BPTF: variants seen among roughly 807,000 people sequenced by gnomAD.
The protein encoded by BPTF is nucleosome-remodeling factor subunit BPTF.
BPTF carries 18 observed loss-of-function variants against 292.5 expected under a neutral mutation model. That is an observed-to-expected ratio of 0.06 (90% CI 0.04 to 0.09). The LOEUF is 0.09. BPTF is among the 10% of genes least tolerant of loss of function. The pLI is 1.00. For missense variants in BPTF, 2,726 were observed against 3,498.7 expected, an observed-to-expected ratio of 0.78 and a Z score of 5.57; for synonymous variants, 1,225 against 1,251.9, an observed-to-expected ratio of 0.98 and a Z score of 0.45.
At chr17:67,842,652 A>G (rs1225570122) in intron 1 of BPTF, among the ~76,000 whole-genome samples, 1 of 152,188 alleles carries the variant, frequency 6.6e-6, no homozygotes, top group Admixed American at 6.5e-5. Flanking sequence ...GTGGTCCACA[A>G]TGAAAATATA....
chr17:67,837,413 GTTT>G (rs57947185), intron 1 of BPTF, among the ~76,000 whole-genome samples: 1 of 143,808 alleles, frequency 7.0e-6, no homozygotes. Context: ...TATGTGTTTT[GTTT>G]TTTTTTTTTG....
At chr17:67,956,140 A>C (rs2066910626) in intron 23 of BPTF, 1 of 151,490 alleles carries the variant, frequency 6.6e-6, no homozygotes, top group Non-Finnish European at 1.5e-5. Flanking sequence ...AACACGGTGA[A>C]ACCCCGTCTC....
rs1263255403 is a variant in BPTF at position 67,926,287 on chromosome 17, G to A, written c.5751+1698G>A. Among the ~76,000 whole-genome samples the A allele has an allele frequency of 2.7e-5, 4 of 146,324 alleles. No homozygotes were observed. In the East Asian group the frequency reaches 6.0e-4, roughly 22 times the overall value. On this transcript the variant is annotated intron_variant, in intron 15 of 27. Transcript: ENST00000306378. Reference sequence around the variant, plus strand: ...GCCTCCCAAAGTGCTGAGATAGCGAGCACCACTGCATTTGGCCCTAATATA... The same window carrying A: ...GCCTCCCAAAGTGCTGAGATAGCGAACACCACTGCATTTGGCCCTAATATA...
rs2148388450 is a variant in BPTF at position 67,964,295 on chromosome 17, A to T, written c.8345A>T (p.Asp2782Val). The T allele has an allele frequency of 6.2e-7, 1 of 1,614,184 alleles. No homozygotes were observed. The highest frequency in any genetic ancestry group is 8.5e-7 in the Non-Finnish European group (1 of 1,180,032). The change falls in exon 25 of 28, where the codon GAT (aspartate) becomes GTT (valine). Residue 2782 changes from aspartate (D) to valine (V), a missense_variant. Physicochemically the swap from Asp to Val is radical, Grantham distance 152. Transcript: ENST00000306378. ...TTGCAAAGTGAGGCAGAGCTCATTGATGAGTATGTCTGTCCACAGTGCCAG... is the reference window on the plus strand; with the variant it reads ...TTGCAAAGTGAGGCAGAGCTCATTGTTGAGTATGTCTGTCCACAGTGCCAG... ...GILQSEAELI[D>V]EYVCPQCQST... is the part of the protein sequence containing the mutation.
At chr17:67,894,948 T>G (rs1347063880) in intron 7 of BPTF, among the ~76,000 whole-genome samples, 1 of 152,208 alleles carries the variant, frequency 6.6e-6, no homozygotes, top group African/African-American at 2.4e-5. Flanking sequence ...GCTTTGTAAC[T>G]TTAGTCTTTA....
Position 67,854,639 on chromosome 17 carries a change from A to G in BPTF, c.1313A>G (p.Lys438Arg), listed in dbSNP as rs753288973. 9 of 1,614,108 alleles carry G rather than the reference A, an allele frequency of 5.6e-6. No individual in the cohort carries two copies. Among genetic ancestry groups the G allele is most frequent in the Non-Finnish European group, 7.6e-6 (9 of 1,180,048 alleles). Residue 438 changes from lysine (K) to arginine (R), a missense_variant, in exon 2 of 28, where the codon AAG becomes AGG. Physicochemically the swap from Lys to Arg is conservative, Grantham distance 26. Transcript: ENST00000306378. The surrounding 1 kb of genome is among the most constrained non-coding windows in gnomAD (Gnocchi z 5.6). ...EWQCEVCVAH[K>R]VPGVTDCVAE... ...CAGTGTGAAGTCTGTGTAGCACACAAGGTGCCTGGTGTGACTGACTGTGTT... is the reference window on the plus strand; with the variant it reads ...CAGTGTGAAGTCTGTGTAGCACACAGGGTGCCTGGTGTGACTGACTGTGTT...
chr17:67,925,704 A>G (rs2063811098), intron 15 of BPTF, among the ~76,000 whole-genome samples: 1 of 152,158 alleles, frequency 6.6e-6, no homozygotes, highest in South Asian at 2.1e-4. Flanking sequence ...GTTATACATA[A>G]CTATTTAAAA....
intron 18 of BPTF, among the ~76,000 whole-genome samples, chr17:67,938,708 G>T (rs1237196194): frequency 1.3e-5 from 2 of 152,124 alleles, no homozygotes; most frequent in Non-Finnish European, 2.9e-5. Context: ...GAATACAAGA[G>T]AACTTTACAA....
chr17:67,939,452 A>C (rs2147792145), intron 18 of BPTF, among the ~76,000 whole-genome samples: 1 of 152,366 alleles, frequency 6.6e-6, no homozygotes, highest in Middle Eastern at 3.4e-3. Flanking sequence ...CAACTGTTCT[A>C]CATGGGGGAA....
chr17:67,836,228 A>G (rs1256832271), intron 1 of BPTF, among the ~76,000 whole-genome samples: 1 of 152,190 alleles, frequency 6.6e-6, no homozygotes, highest in East Asian at 1.9e-4. Flanking sequence ...TAAGAAAGTT[A>G]TACTTAGACT....
In BPTF at chr17:67,843,214, G is replaced by GTAGATATA. The variant is rs59862562; in HGVS notation, c.614-10723_614-10716dup. 4.4e-3 allele frequency among the ~76,000 whole-genome samples: 560 copies of GTAGATATA among 126,034 alleles called. 4 individuals carry two copies. Among genetic ancestry groups the GTAGATATA allele is most frequent in the African/African-American group, 0.013 (522 of 39,218 alleles). The allele number at this position is 126,034 out of a possible 152,430, so 82.7% of individuals were successfully genotyped here. On this transcript the variant is annotated intron_variant, in intron 1 of 27. Transcript: ENST00000306378. ...TACATCTACATACATGTAGATGTAT[G>GTAGATATA]TAGATATATACCTATATATCTACAT... is the stretch of plus-strand genomic sequence containing the variant.
chr17:67,863,869 C>T (rs1312451437), intron 2 of BPTF, among the ~76,000 whole-genome samples: 1 of 152,234 alleles, frequency 6.6e-6, no homozygotes, highest in Admixed American at 6.5e-5. Flanking sequence ...TAACCTTCTA[C>T]TTAGCTAGCC....
intron 3 of BPTF, among the ~76,000 whole-genome samples, chr17:67,873,458 CAA>C (rs996819236): frequency 2.5e-4 from 18 of 71,090 alleles, no homozygotes; most frequent in Non-Finnish European, 2.7e-4. Context: ...AACTCCATCT[CAA>C]AAAAAAAAAA....
At position 67,948,169 on chromosome 17, in the gene BPTF, G is replaced by A; in HGVS notation, c.7789G>A (p.Glu2597Lys). ...GGCAGCAAAAAAACGGAAGCGTGAA[G>A]AGAGTGTGGAGCAGAAACGTAGCAA... ...KQAAKKRKRE[E>K]SVEQKRSKQN... The change falls in exon 23 of 28, where the codon GAG becomes AAG. Residue 2597 changes from glutamate to lysine, a missense_variant. Physicochemically the swap from Glu to Lys is moderately conservative, Grantham distance 56. Around this residue, in one of 22 missense-constraint regions of BPTF, gnomAD observed 26 missense variants for 60.6 expected, o/e 0.43. Coordinates refer to ENST00000306378, the MANE Select transcript of BPTF (RefSeq NM_182641.4). 1.2e-6 allele frequency: 2 copies of A among 1,614,220 alleles called. No homozygotes were observed. Among genetic ancestry groups the A allele is most frequent in the Non-Finnish European group, 1.7e-6 (2 of 1,180,050 alleles).
chr17:67,856,719 T>C (rs556189642), intron 2 of BPTF, among the ~76,000 whole-genome samples: 1 of 152,256 alleles, frequency 6.6e-6, no homozygotes, highest in Admixed American at 6.5e-5. Flanking sequence ...AGCATGAAGG[T>C]CTTGCTGGTG....
At chr17:67,959,414 A>G (rs1351967601) in intron 23 of BPTF, 127 bp from the exon 24 acceptor site, 14 of 683,736 alleles carry the variant, frequency 2.0e-5, no homozygotes, top group Non-Finnish European at 3.1e-5. Context: ...GCAACTAACT[A>G]AAACTCTCAC....
intron 21 of BPTF, 68 bp from the exon 22 acceptor site, chr17:67,947,658 G>C (rs1354887387): frequency 8.4e-7 from 1 of 1,191,986 alleles, no homozygotes; most frequent in East Asian, 2.6e-5. Flanking sequence ...AATTTCTACT[G>C]TTGTTATCTG....
rs1307953523 is a variant in BPTF at position 67,854,008 on chromosome 17, G to C, written c.682G>C (p.Glu228Gln). The C allele has an allele frequency of 1.2e-6, 2 of 1,614,074 alleles. No homozygotes were observed. The highest frequency in any genetic ancestry group is 1.3e-5 in the African/African-American group (1 of 74,930). The change falls in exon 2 of 28, where the codon GAA becomes CAA. Residue 228 changes from glutamate (E) to glutamine (Q), a missense_variant. Glu to Gln is a conservative substitution (Grantham distance 29). This residue lies in a region of BPTF where 153 missense variants were observed against 178.3 expected (regional missense o/e 0.86). Coordinates refer to ENST00000306378, the MANE Select transcript of BPTF (RefSeq NM_182641.4). The surrounding 1 kb of genome is among the most constrained non-coding windows in gnomAD (Gnocchi z 5.6). The part of the protein sequence containing the change: ...ILEEKDIPPL[E>Q]FPKSSEDLMV... ...GGAAGAAAAAGACATCCCGCCCCTTGAATTTCCCAAGTCCTCTGAGGATTT... is the reference window on the plus strand; with the variant it reads ...GGAAGAAAAAGACATCCCGCCCCTTCAATTTCCCAAGTCCTCTGAGGATTT...
At chr17:67,844,372 C>T (rs985067555) in intron 1 of BPTF, among the ~76,000 whole-genome samples, 12 of 151,524 alleles carry the variant, frequency 7.9e-5, no homozygotes, top group African/African-American at 2.4e-4. Context: ...CTCAGCCTCC[C>T]GAGTAGCTGG....
Sources: allele counts gnomAD v4.1 joint callset (sites outside exome capture counted in the v4.1 genomes callset), GRCh38; gene constraint gnomAD v4.1.1; regional missense constraint gnomAD v4.1.1; non-coding constraint Gnocchi (gnomAD v3.1); transcripts MANE v1.5; gene names NCBI Gene and HGNC (gene_info 2026-07-23, HGNC 2026-07-21).